FGGY: variants seen among roughly 807,000 people sequenced by gnomAD.
The protein encoded by FGGY is FGGY carbohydrate kinase domain containing.
FGGY carries 72 observed loss-of-function variants against 71.3 expected under a neutral mutation model. That is an observed-to-expected ratio of 1.01 (90% CI 0.84 to 1.23). The LOEUF (loss-of-function observed/expected upper bound fraction) is 1.23. Ranked by LOEUF, FGGY falls within the 50% of genes most tolerant of loss-of-function variation. FGGY has a pLI of 0.00. For missense variants in FGGY, 668 were observed against 682.3 expected (o/e 0.98, Z 0.23); for synonymous variants, 251 against 250.3 (o/e 1.00, Z -0.02).
intron 8 of FGGY, among the ~76,000 whole-genome samples, chr1:59,568,315 T>C (rs2095911773): frequency 6.6e-6 from 1 of 152,170 alleles, no homozygotes; most frequent in Admixed American, 6.5e-5. Context: ...TGCTCTCTTA[T>C]TCATCTGGCC....
chr1:59,362,998 A>T (rs979371145), intron 4 of FGGY, among the ~76,000 whole-genome samples: 2 of 152,212 alleles, frequency 1.3e-5, no homozygotes, highest in Non-Finnish European at 2.9e-5. Context: ...GGGGAGATAG[A>T]TGAATGAATT....
intron 7 of FGGY, among the ~76,000 whole-genome samples, chr1:59,537,939 A>G (rs1253817359): frequency 6.6e-6 from 1 of 152,236 alleles, no homozygotes; most frequent in South Asian, 2.1e-4. Flanking sequence ...AGGCATGGGC[A>G]AGGACTTCAT....
At chr1:59,369,665 A>C (rs1354601421) in intron 4 of FGGY, among the ~76,000 whole-genome samples, 2 of 152,052 alleles carry the variant, frequency 1.3e-5, no homozygotes, top group Non-Finnish European at 1.5e-5. Flanking sequence ...GGCACCCCCC[A>C]GTAGGGGCAG....
At chr1:59,696,786 T>C (rs1053252644) in intron 14 of FGGY, among the ~76,000 whole-genome samples, 5 of 152,150 alleles carry the variant, frequency 3.3e-5, no homozygotes, top group African/African-American at 1.2e-4. Context: ...CCTAAGAGTG[T>C]AGACACTATT....
intron 4 of FGGY, among the ~76,000 whole-genome samples, chr1:59,364,814 T>C (rs1425918886): frequency 6.6e-6 from 1 of 152,250 alleles, no homozygotes; most frequent in Non-Finnish European, 1.5e-5. Context: ...CATAGACATA[T>C]ACATGCTATT....
intron 8 of FGGY, among the ~76,000 whole-genome samples, chr1:59,592,925 T>C (rs2096471056): frequency 6.6e-6 from 1 of 151,992 alleles, no homozygotes; most frequent in Non-Finnish European, 1.5e-5. Flanking sequence ...CCCTAGAACT[T>C]CAACTATAGT....
chr1:59,586,225 G>A (rs993896186), intron 8 of FGGY, among the ~76,000 whole-genome samples: 1 of 152,118 alleles, frequency 6.6e-6, no homozygotes, highest in African/African-American at 2.4e-5. Flanking sequence ...GTTTATTGTG[G>A]CACTATTCAC....
At chr1:59,579,673 G>A (rs1320555022) in intron 8 of FGGY, among the ~76,000 whole-genome samples, 3 of 152,128 alleles carry the variant, frequency 2.0e-5, no homozygotes, top group Non-Finnish European at 4.4e-5. Context: ...CCTAGTTCAA[G>A]CAGTTGTGCT....
rs1571214455 is a variant in FGGY at position 59,373,757 on chromosome 1, T to C, written c.466-4992T>C. On this transcript the variant is annotated intron_variant, in intron 4 of 15. Coordinates refer to ENST00000303721, the MANE Select transcript of FGGY (RefSeq NM_018291.5). ...GAGCCCTCAGAAATAACGCCGCATA[T>C]CTACAACTATCTGATCTTTGACAAA... Among the ~76,000 whole-genome samples the C allele has an allele frequency of 2.6e-5, 4 of 152,068 alleles. No individual in the cohort carries two copies. The East Asian group carries it at 7.7e-4, about 29-fold the overall frequency.
At chr1:59,393,455 G>T (rs1456561114) in intron 5 of FGGY, among the ~76,000 whole-genome samples, 1 of 152,316 alleles carries the variant, frequency 6.6e-6, no homozygotes, top group East Asian at 1.9e-4. Context: ...AAGGCTGCCC[G>T]ATAAGCAAGC....
Position 59,667,280 on chromosome 1 carries a change from A to G in FGGY, c.1297-3A>G, listed in dbSNP as rs755555584. 6.2e-7 allele frequency: 1 copy of G among 1,613,964 alleles called. No individual in the cohort carries two copies. Among genetic ancestry groups the G allele is most frequent in the Admixed American group, 1.7e-5 (1 of 60,008 alleles). On this transcript the variant is annotated splice_polypyrimidine_tract_variant and splice_region_variant and intron_variant, in intron 12 of 15. Transcript: ENST00000303721. Reference sequence around the variant, plus strand: ...GATGCTATCTTCTGCTTTTCCTTTCAAGTTGGGGACTCGCTTCATTATAGA... The same window carrying G: ...GATGCTATCTTCTGCTTTTCCTTTCGAGTTGGGGACTCGCTTCATTATAGA...
intron 2 of FGGY, 62 bp downstream of exon 2, chr1:59,321,812 A>T (rs1437390786): frequency 6.6e-7 from 1 of 1,510,306 alleles, no homozygotes; most frequent in Non-Finnish European, 9.0e-7. Flanking sequence ...GTCGTGTGTC[A>T]ATCTGGTGCC....
chr1:59,312,122 G>A (rs2044453996), intron 1 of FGGY, among the ~76,000 whole-genome samples: 1 of 152,178 alleles, frequency 6.6e-6, no homozygotes, highest in Admixed American at 6.5e-5. Context: ...TTGCAAATTT[G>A]TTTAAGTTCC....
At chr1:59,697,378 C>T (rs1228300881) in intron 14 of FGGY, among the ~76,000 whole-genome samples, 1 of 152,174 alleles carries the variant, frequency 6.6e-6, no homozygotes, top group Non-Finnish European at 1.5e-5. Flanking sequence ...CCCTAGCAAC[C>T]ACCATTCTAC....
At chr1:59,400,196 A>G (rs559689152) in intron 5 of FGGY, among the ~76,000 whole-genome samples, 3 of 152,340 alleles carry the variant, frequency 2.0e-5, no homozygotes, top group African/African-American at 7.2e-5. Context: ...AGCACTGCAG[A>G]ATTGGGCTGC....
At chr1:59,731,285 G>A (rs2098025098) in intron 14 of FGGY, among the ~76,000 whole-genome samples, 1 of 152,212 alleles carries the variant, frequency 6.6e-6, no homozygotes, top group African/African-American at 2.4e-5. Flanking sequence ...AAAAATAAAT[G>A]TGGGCTTCTG....
intron 5 of FGGY, among the ~76,000 whole-genome samples, chr1:59,383,795 C>T (rs988996891): frequency 6.6e-6 from 1 of 152,088 alleles, no homozygotes; most frequent in Non-Finnish European, 1.5e-5. Flanking sequence ...GATCTGGAAG[C>T]CCCTGCTTTG....
At chr1:59,465,116 A>T (rs1387690932) in intron 6 of FGGY, among the ~76,000 whole-genome samples, 1 of 152,210 alleles carries the variant, frequency 6.6e-6, no homozygotes, top group African/African-American at 2.4e-5. Context: ...ATCCTCAATA[A>T]CGTACTGGCA....
chr1:59,414,188 T>C (rs771089393), intron 5 of FGGY, among the ~76,000 whole-genome samples: 2 of 152,240 alleles, frequency 1.3e-5, no homozygotes, highest in Non-Finnish European at 2.9e-5. Flanking sequence ...TGCTCTATTC[T>C]GTTTGTTCAG....
Sources: gnomAD v4.1 joint callset for allele counts (sites outside exome capture counted in the v4.1 genomes callset) on GRCh38, gnomAD v4.1.1 for gene constraint, MANE v1.5 for transcripts, NCBI Gene and HGNC (gene_info 2026-07-23, HGNC 2026-07-21) for gene names.